Variants in MIPOL1 observed in about 807,000 individuals in gnomAD.
The protein encoded by MIPOL1 is mirror-image polydactyly gene 1 protein.
Under a neutral mutation model 60.9 loss-of-function variants are expected in MIPOL1, and 57 were observed. That is an observed-to-expected ratio of 0.94 (90% CI 0.76 to 1.17). The LOEUF (loss-of-function observed/expected upper bound fraction) is 1.17, where lower values mean the gene tolerates loss of function less well. MIPOL1 is among the 50% of genes most tolerant of loss of function. The probability of loss-of-function intolerance (pLI) is 0.00; values close to 1 mark genes in which losing one functional copy is unlikely to be tolerated. For synonymous variants in MIPOL1, 179 were observed against 168.8 expected, an observed-to-expected ratio of 1.06 and a Z score of -0.47; for missense variants, 551 against 511.6, an observed-to-expected ratio of 1.08 and a Z score of -0.74.
chr14:37,438,475 G>A (rs890923412), intron 11 of MIPOL1, among the ~76,000 whole-genome samples: 1 of 152,108 alleles, frequency 6.6e-6, no homozygotes, highest in African/African-American at 2.4e-5. Context: ...TAAGGCCATC[G>A]ACAGTGGCAT....
intron 9 of MIPOL1, among the ~76,000 whole-genome samples, chr14:37,332,935 A>G (rs2089839052): frequency 6.6e-6 from 1 of 152,142 alleles, no homozygotes; most frequent in Non-Finnish European, 1.5e-5. Context: ...TGTTGTGGAG[A>G]TGAGTAGCAT....
intron 11 of MIPOL1, among the ~76,000 whole-genome samples, chr14:37,498,959 G>C (rs2153612610): frequency 6.6e-6 from 1 of 152,182 alleles, no homozygotes; most frequent in South Asian, 2.1e-4. Flanking sequence ...TAATGATATT[G>C]CTTTCCTTCC....
At chr14:37,205,942 C>T (rs1186080011) in intron 1 of MIPOL1, among the ~76,000 whole-genome samples, 1 of 152,028 alleles carries the variant, frequency 6.6e-6, no homozygotes, top group Non-Finnish European at 1.5e-5. Flanking sequence ...GTGCCTGAAA[C>T]ACATTCGGTT....
At chr14:37,230,405 G>A (rs910825407) in intron 1 of MIPOL1, among the ~76,000 whole-genome samples, 3 of 152,176 alleles carry the variant, frequency 2.0e-5, no homozygotes, top group Non-Finnish European at 4.4e-5. Flanking sequence ...GTGACCAGTG[G>A]AACTTTGAAG....
At chr14:37,460,798 CAAG>C (rs1265261400) in intron 11 of MIPOL1, among the ~76,000 whole-genome samples, 1 of 152,044 alleles carries the variant, frequency 6.6e-6, no homozygotes, top group Non-Finnish European at 1.5e-5. Context: ...TATGCTTAAC[CAAG>C]AAGGTGAAAG....
At chr14:37,395,217 G>T (rs1337610467) in intron 10 of MIPOL1, among the ~76,000 whole-genome samples, 1 of 151,720 alleles carries the variant, frequency 6.6e-6, no homozygotes, top group African/African-American at 2.4e-5. Context: ...TGTTCTTTTT[G>T]CTTGGCTATG....
At chr14:37,244,014 T>G (rs1972761049) in intron 1 of MIPOL1, among the ~76,000 whole-genome samples, 2 of 151,756 alleles carry the variant, frequency 1.3e-5, no homozygotes, top group Non-Finnish European at 2.9e-5. Context: ...TCAGATATAT[T>G]GAGATTCCTA....
intron 2 of MIPOL1, among the ~76,000 whole-genome samples, chr14:37,247,513 A>G (rs1973372460): frequency 6.6e-6 from 1 of 152,032 alleles, no homozygotes; most frequent in Non-Finnish European, 1.5e-5. Context: ...GTAAAAATGT[A>G]TTTTTCTTAA....
chr14:37,446,413 G>A (rs890747258), intron 11 of MIPOL1, among the ~76,000 whole-genome samples: 5 of 152,118 alleles, frequency 3.3e-5, no homozygotes, highest in African/African-American at 1.2e-4. Context: ...TCATTAAAAA[G>A]TCAGGAAACA....
chr14:37,299,216 A>G (rs1567351935), intron 7 of MIPOL1, among the ~76,000 whole-genome samples: 1 of 149,914 alleles, frequency 6.7e-6, no homozygotes, highest in Non-Finnish European at 1.5e-5. Flanking sequence ...CAAACACCTC[A>G]TGTTCTCACT....
chr14:37,335,760 C>A (rs1257781375), intron 9 of MIPOL1, among the ~76,000 whole-genome samples: 1 of 151,632 alleles, frequency 6.6e-6, no homozygotes, highest in Non-Finnish European at 1.5e-5. Flanking sequence ...GTTTTTTTGC[C>A]CAGTTTTAAG....
At chr14:37,221,036 A>AT (rs34293599) in intron 1 of MIPOL1, among the ~76,000 whole-genome samples, 2,501 of 148,186 alleles carry the variant, frequency 0.017, 55 homozygotes, top group African/African-American at 0.056. Context: ...TTGTTTGTTA[A>AT]TTTTTTTTTT....
intron 10 of MIPOL1, among the ~76,000 whole-genome samples, chr14:37,387,262 T>C (rs936333915): frequency 6.6e-6 from 1 of 151,894 alleles, no homozygotes; most frequent in African/African-American, 2.4e-5. Flanking sequence ...GGTAAATTTA[T>C]TTTAAATGGC....
intron 12 of MIPOL1, among the ~76,000 whole-genome samples, chr14:37,531,052 A>G (rs2095476120): frequency 6.6e-6 from 1 of 152,102 alleles, no homozygotes. Flanking sequence ...TCCTGACCTC[A>G]TGTGATCCAC....
At position 37,500,157 on chromosome 14, in the gene MIPOL1, T is replaced by A; in HGVS notation, c.1262+19T>A. On this transcript the variant is annotated intron_variant, in intron 12 of 12. Transcript: ENST00000684589. Reference sequence around the variant, plus strand: ...TTCAAAAGTAAGTTAAATGATCTTGTAATAATACTTCAAACACATGAAACA... The same window carrying A: ...TTCAAAAGTAAGTTAAATGATCTTGAAATAATACTTCAAACACATGAAACA... 1 of 1,481,060 alleles carries A rather than the reference T, an allele frequency of 6.8e-7. No individual in the cohort carries two copies. Among genetic ancestry groups the A allele is most frequent in the Non-Finnish European group, 9.3e-7 (1 of 1,071,706 alleles). 91.7% of individuals were successfully genotyped at this position (1,481,060 alleles called of 1,614,324 possible).
chr14:37,217,081 C>G (rs1052404953), intron 1 of MIPOL1, among the ~76,000 whole-genome samples: 1 of 152,074 alleles, frequency 6.6e-6, no homozygotes, highest in Admixed American at 6.6e-5. Flanking sequence ...GACATTACAA[C>G]TGATACTGCA....
At chr14:37,205,402 C>G (rs1235563625) in intron 1 of MIPOL1, among the ~76,000 whole-genome samples, 1 of 152,076 alleles carries the variant, frequency 6.6e-6, no homozygotes, top group African/African-American at 2.4e-5. Context: ...CTGCACCCAG[C>G]CAGTGGAAGA....
chr14:37,231,951 A>T (rs1195598522), intron 1 of MIPOL1, among the ~76,000 whole-genome samples: 23 of 151,776 alleles, frequency 1.5e-4, no homozygotes, highest in Non-Finnish European at 3.1e-4. Context: ...ATATGGTGGT[A>T]TGTGCCTGTA....
At chr14:37,551,892 TAATAATAA>T (rs1457438627), downstream of MIPOL1, 2 of 145,490 alleles carry the variant, frequency 1.4e-5, no homozygotes, top group South Asian at 4.3e-4. Context: ...ATAATAATAA[TAATAATAA>T]TAATAATAAT....
Sources: allele counts gnomAD v4.1 joint callset (sites outside exome capture counted in the v4.1 genomes callset), GRCh38; gene constraint gnomAD v4.1.1; transcripts MANE v1.5; gene names NCBI Gene and HGNC (gene_info 2026-07-23, HGNC 2026-07-21).